ZNHIT6: variants seen among roughly 807,000 people sequenced by gnomAD.
ZNHIT6 encodes the protein zinc finger HIT-type containing 6.
ZNHIT6 carries 45 observed loss-of-function variants against 57.2 expected under a neutral mutation model. That is an observed-to-expected ratio of 0.79 (90% CI 0.62 to 1.01). The LOEUF (loss-of-function observed/expected upper bound fraction) is 1.01, where lower values mean the gene tolerates loss of function less well. ZNHIT6 is among the 50% of genes least tolerant of loss of function. ZNHIT6 has a pLI of 0.00. For missense variants in ZNHIT6, 528 were observed against 567.3 expected, an observed-to-expected ratio of 0.93 and a Z score of 0.70; for synonymous variants, 188 against 190.0, an observed-to-expected ratio of 0.99 and a Z score of 0.09.
chr1:85,674,217 G>T (rs916253083), intron 8 of ZNHIT6, among the ~76,000 whole-genome samples: 1 of 152,172 alleles, frequency 6.6e-6, no homozygotes, highest in Non-Finnish European at 1.5e-5. Flanking sequence ...TAGCAAAAAT[G>T]GGGGAATTTG....
At chr1:85,687,284 AAAACAAAAAAAAAAC>A (rs1281568092) in intron 5 of ZNHIT6, among the ~76,000 whole-genome samples, 1 of 128,382 alleles carries the variant, frequency 7.8e-6, no homozygotes, top group African/African-American at 2.9e-5. Context: ...ACTATCTCAA[AAAACAAAAAAAAAAC>A]AAAAAAAAAA....
intron 8 of ZNHIT6, among the ~76,000 whole-genome samples, chr1:85,659,137 C>T (rs538442811): frequency 3.1e-4 from 47 of 152,174 alleles, no homozygotes; most frequent in African/African-American, 1.1e-3. Flanking sequence ...CAGAGTTTAT[C>T]GTGACATAGC....
intron 6 of ZNHIT6, 97 bp from the exon 7 acceptor site, chr1:85,678,878 T>C: frequency 1.6e-6 from 1 of 630,706 alleles, no homozygotes; most frequent in Non-Finnish European, 2.6e-6. Flanking sequence ...GCTTTTTTGG[T>C]TTAAATAACT....
At position 85,652,403 on chromosome 1, in the gene ZNHIT6, G is replaced by C. The variant is rs756135426; in HGVS notation, c.*1655C>G. ...TCTCTCCAATAATACTGTGAACAAC[G>C]TAATTCTACACAAATTCTTTATCAT... On this transcript the variant is annotated 3_prime_UTR_variant, in exon 10 of 10. Transcript: ENST00000370574. 6.6e-6 allele frequency: 1 copy of C among 152,092 alleles called. No individual in the cohort carries two copies. The highest frequency in any genetic ancestry group is 6.5e-5 in the Admixed American group (1 of 15,268). 9.4% of individuals were successfully genotyped at this position (152,092 alleles called of 1,614,324 possible). A position where few individuals can be genotyped will look rare whatever the true frequency, so the allele number is the denominator to read the frequency against.
At chr1:85,686,741 A>G (rs1050602800) in intron 5 of ZNHIT6, among the ~76,000 whole-genome samples, 10 of 152,292 alleles carry the variant, frequency 6.6e-5, no homozygotes, top group South Asian at 4.1e-4. Flanking sequence ...TTTTCATATG[A>G]AAGCTTCCTG....
intron 5 of ZNHIT6, among the ~76,000 whole-genome samples, chr1:85,694,957 G>A (rs186688927): frequency 6.6e-5 from 10 of 152,154 alleles, no homozygotes; most frequent in African/African-American, 2.4e-4. Flanking sequence ...GGTATGTACT[G>A]TATTTCCATT....
At chr1:85,679,186 C>G (rs1661791240) in intron 6 of ZNHIT6, among the ~76,000 whole-genome samples, 1 of 152,056 alleles carries the variant, frequency 6.6e-6, no homozygotes, top group Non-Finnish European at 1.5e-5. Context: ...ATTTATAAGA[C>G]CAAGTTAAAA....
chr1:85,666,866 A>G (rs572383751), intron 8 of ZNHIT6, among the ~76,000 whole-genome samples: 12 of 152,314 alleles, frequency 7.9e-5, no homozygotes, highest in Admixed American at 7.2e-4. Flanking sequence ...GTAATAGAAT[A>G]CAGAATTGCT....
At chr1:85,658,186 T>A (rs1661117814) in intron 8 of ZNHIT6, among the ~76,000 whole-genome samples, 1 of 151,970 alleles carries the variant, frequency 6.6e-6, no homozygotes, top group Admixed American at 6.6e-5. Flanking sequence ...TAAAAAAAAA[T>A]CAAATATTCT....
At chr1:85,656,391 G>A (rs901632711) in intron 9 of ZNHIT6, among the ~76,000 whole-genome samples, 4 of 152,050 alleles carry the variant, frequency 2.6e-5, no homozygotes, top group Non-Finnish European at 5.9e-5. Flanking sequence ...TACTCAATAA[G>A]GCTCCCAGTA....
intron 9 of ZNHIT6, 82 bp downstream of exon 9, chr1:85,657,765 T>G: frequency 1.5e-6 from 2 of 1,341,006 alleles, no homozygotes; most frequent in Non-Finnish European, 2.1e-6. Context: ...GGAAAACACA[T>G]ATAAAGAAAT....
chr1:85,667,961 A>AAAAAAAAATGTATATATATATATAT, intron 8 of ZNHIT6, among the ~76,000 whole-genome samples: 1 of 18,200 alleles, frequency 5.5e-5, no homozygotes, highest in African/African-American at 2.1e-4. Context: ...AAAAAAAAAA[A>AAAAAAAAATGTATATATATATATAT]ATATATATAT....
intron 8 of ZNHIT6, among the ~76,000 whole-genome samples, chr1:85,670,937 C>T (rs898532372): frequency 2.6e-5 from 4 of 152,100 alleles, no homozygotes; most frequent in East Asian, 1.9e-4. Context: ...ACTGCTTACT[C>T]GATGCCAGGA....
intron 6 of ZNHIT6, among the ~76,000 whole-genome samples, chr1:85,680,207 A>C (rs917129492): frequency 6.6e-6 from 1 of 152,104 alleles, no homozygotes; most frequent in East Asian, 1.9e-4. Flanking sequence ...TCCTGCCCCC[A>C]CTCCCCTCCA....
chr1:85,657,138 T>C (rs1661082773), intron 9 of ZNHIT6, among the ~76,000 whole-genome samples: 1 of 152,146 alleles, frequency 6.6e-6, no homozygotes, highest in African/African-American at 2.4e-5. Context: ...TCCTCTAAAA[T>C]CTTGCATTCA....
intron 6 of ZNHIT6, among the ~76,000 whole-genome samples, chr1:85,678,988 G>A (rs1661785696): frequency 6.6e-6 from 1 of 151,834 alleles, no homozygotes; most frequent in South Asian, 2.1e-4. Flanking sequence ...ACACACTTAA[G>A]GTCTTAAAAA....
intron 5 of ZNHIT6, 25 bp downstream of exon 5, chr1:85,702,132 A>G (rs1315311262): frequency 6.2e-6 from 9 of 1,463,220 alleles, no homozygotes; most frequent in Non-Finnish European, 8.5e-6. Context: ...AGAATACCTG[A>G]TATACTAAAA....
chr1:85,688,553 T>C (rs1416775644), intron 5 of ZNHIT6, among the ~76,000 whole-genome samples: 10 of 152,236 alleles, frequency 6.6e-5, no homozygotes, highest in Non-Finnish European at 1.5e-4. Context: ...AATCGTTCCC[T>C]ACCTCTCACC....
chr1:85,674,324 G>C (rs779373685), intron 8 of ZNHIT6, among the ~76,000 whole-genome samples: 1 of 151,402 alleles, frequency 6.6e-6, no homozygotes, highest in African/African-American at 2.4e-5. Flanking sequence ...TTTCGGAGAC[G>C]AGGTCCTGCT....
Sources: allele counts gnomAD v4.1 joint callset (sites outside exome capture counted in the v4.1 genomes callset), GRCh38; gene constraint gnomAD v4.1.1; transcripts MANE v1.5; gene names NCBI Gene and HGNC (gene_info 2026-07-23, HGNC 2026-07-21).